CSMD2: variants seen among roughly 807,000 people sequenced by gnomAD.
CSMD2 encodes CUB and Sushi multiple domains 2.
Under a neutral mutation model 398.5 loss-of-function variants are expected in CSMD2, and 130 were observed. The ratio of observed to expected loss-of-function variants is 0.33; its 90% CI spans 0.28 to 0.38. CSMD2 has a LOEUF of 0.38. CSMD2 is among the 10% of genes least tolerant of loss of function. The pLI is 1.00. For missense variants in CSMD2, 3,829 were observed against 4,764.9 expected, an observed-to-expected ratio of 0.80 and a Z score of 5.78; for synonymous variants, 1,828 against 1,908.5, an observed-to-expected ratio of 0.96 and a Z score of 1.10.
At chr1:34,156,394 G>A (rs1395165941) in intron 1 of CSMD2, among the ~76,000 whole-genome samples, 2 of 152,160 alleles carry the variant, frequency 1.3e-5, no homozygotes, top group African/African-American at 4.8e-5. Flanking sequence ...ATCTCAGAAA[G>A]GGCCATCAAT....
Position 33,584,693 on chromosome 1 carries a change from G to GTA in CSMD2, c.7052-865_7052-864dup, listed in dbSNP as rs1407138426. Reference sequence around the variant, plus strand: ...AAAAAATATATCTATATACATATATGTATATATATATATTATGAAATAATA... The same window carrying GTA: ...AAAAAATATATCTATATACATATATGTATATATATATATATTATGAAATAATA... On this transcript the variant is annotated intron_variant, in intron 46 of 70. Coordinates refer to ENST00000373381, the MANE Select transcript of CSMD2 (RefSeq NM_001281956.2). 2.6e-3 allele frequency among the ~76,000 whole-genome samples: 390 copies of GTA among 149,334 alleles called. 2 individuals carry two copies. Among genetic ancestry groups the GTA allele is most frequent in the South Asian group, 5.1e-3 (24 of 4,750 alleles).
At chr1:33,574,010 T>C (rs1659839446) in intron 49 of CSMD2, among the ~76,000 whole-genome samples, 1 of 152,170 alleles carries the variant, frequency 6.6e-6, no homozygotes, top group Admixed American at 6.5e-5. Flanking sequence ...GAACAAAGCT[T>C]TAAACCTCTG....
chr1:33,959,034 C>T (rs925967346), intron 3 of CSMD2, among the ~76,000 whole-genome samples: 2 of 152,136 alleles, frequency 1.3e-5, no homozygotes, highest in African/African-American at 4.8e-5. Flanking sequence ...ACACAGGTGC[C>T]CAGTAAAGGT....
chr1:33,984,598 C>T (rs910417894), intron 3 of CSMD2, among the ~76,000 whole-genome samples: 3 of 152,166 alleles, frequency 2.0e-5, no homozygotes, highest in African/African-American at 4.8e-5. Flanking sequence ...GCCTGGGCAA[C>T]ATAGCGAGAC....
rs187031782 is a variant in CSMD2 at position 33,769,882 on chromosome 1, G to A, written c.1846+2687C>T. Among the ~76,000 whole-genome samples the A allele has an allele frequency of 2.9e-3, 447 of 152,172 alleles. 3 individuals are homozygous for A. The highest frequency in any genetic ancestry group is 9.2e-3 in the African/African-American group (382 of 41,508). On this transcript the variant is annotated intron_variant, in intron 13 of 70. Transcript: ENST00000373381. ...GTGACTAATGTATTGGAAAATTTAG[G>A]GCACTTATGCTGACTTTTGCTAGAG...
Position 33,935,795 on chromosome 1 carries a change from C to T in CSMD2, c.677G>A (p.Ser226Asn). 1 of 1,613,034 alleles carries T rather than the reference C, an allele frequency of 6.2e-7. No individual in the cohort carries two copies. The highest frequency in any genetic ancestry group is 8.5e-7 in the Non-Finnish European group (1 of 1,179,378). ...VLTCHAGSENSATWDFPLPSC... is the reference protein window; with the variant it reads ...VLTCHAGSENNATWDFPLPSC... Reference sequence around the variant, plus strand: ...AGGCAGGGGGAAGTCCCACGTGGCGCTGTTCTCAGAGCCAGCGTGGCAGGT... The same window carrying T: ...AGGCAGGGGGAAGTCCCACGTGGCGTTGTTCTCAGAGCCAGCGTGGCAGGT... Residue 226 changes from serine (S) to asparagine (N), a missense_variant, in exon 4 of 71, where the codon AGC becomes AAC. By Grantham distance (46) the Ser-to-Asn change is conservative. Coordinates refer to ENST00000373381, the MANE Select transcript of CSMD2 (RefSeq NM_001281956.2).
At chr1:34,160,783 A>G (rs138416203) in intron 1 of CSMD2, among the ~76,000 whole-genome samples, 275 of 152,346 alleles carry the variant, frequency 1.8e-3, no homozygotes, top group Middle Eastern at 3.4e-3. Flanking sequence ...CATTGAGTAC[A>G]GTCAGTGCTC....
chr1:34,042,456 A>G (rs1196101765), intron 2 of CSMD2, among the ~76,000 whole-genome samples: 1 of 152,184 alleles, frequency 6.6e-6, no homozygotes, highest in Non-Finnish European at 1.5e-5. Flanking sequence ...TTATTCCTGG[A>G]TAATTCTATA....
At chr1:34,016,069 T>A (rs929695902) in intron 3 of CSMD2, among the ~76,000 whole-genome samples, 1 of 152,034 alleles carries the variant, frequency 6.6e-6, no homozygotes, top group Non-Finnish European at 1.5e-5. Context: ...TTTATGTGCA[T>A]GAATATTTTA....
rs1459141053 is a variant in CSMD2 at position 33,662,600 on chromosome 1, C to CA, written c.4255+289dup. Among the ~76,000 whole-genome samples, 4 of 152,140 alleles carry CA rather than the reference C, an allele frequency of 2.6e-5. No homozygotes were observed. The East Asian group carries it at 7.7e-4, about 29-fold the overall frequency. Reference sequence around the variant, plus strand: ...GTCCGTTGGGTCTGAGCTTGGACATCATCTTTTCTGGAACATCTTCCTTGA... The same window carrying CA: ...GTCCGTTGGGTCTGAGCTTGGACATCAATCTTTTCTGGAACATCTTCCTTGA... On this transcript the variant is annotated intron_variant, in intron 26 of 70. Coordinates refer to ENST00000373381, the MANE Select transcript of CSMD2 (RefSeq NM_001281956.2).
At chr1:33,694,207 T>A (rs1030887313) in intron 24 of CSMD2, among the ~76,000 whole-genome samples, 1 of 152,026 alleles carries the variant, frequency 6.6e-6, no homozygotes, top group African/African-American at 2.4e-5. Context: ...AATAGGCAAA[T>A]CTTGGAGACA....
intron 3 of CSMD2, among the ~76,000 whole-genome samples, chr1:33,955,427 A>C (rs1483560598): frequency 1.3e-5 from 2 of 152,080 alleles, no homozygotes; most frequent in African/African-American, 4.8e-5. Context: ...AAGTTGGCCC[A>C]AAAAATAGAA....
At chr1:34,091,841 G>C (rs1658600739) in intron 1 of CSMD2, among the ~76,000 whole-genome samples, 1 of 152,170 alleles carries the variant, frequency 6.6e-6, no homozygotes, top group South Asian at 2.1e-4. Flanking sequence ...TTGGGAACAA[G>C]ACAGAGGTGC....
At chr1:33,885,096 GGACA>G (rs1463407751) in intron 5 of CSMD2, 1 of 151,690 alleles carries the variant, frequency 6.6e-6, no homozygotes, top group African/African-American at 2.4e-5. Context: ...TATCCTGTTG[GGACA>G]GACAGATGAA....
intron 13 of CSMD2, among the ~76,000 whole-genome samples, chr1:33,762,086 T>C (rs1649886294): frequency 1.3e-5 from 2 of 152,232 alleles, no homozygotes; most frequent in Admixed American, 1.3e-4. Flanking sequence ...AGGTATGTAG[T>C]GCCTTCCCCG....
chr1:34,102,633 CCGGCCA>C (rs1660079633), intron 1 of CSMD2, among the ~76,000 whole-genome samples: 1 of 55,584 alleles, frequency 1.8e-5, no homozygotes, highest in African/African-American at 6.8e-5. Flanking sequence ...TCCCTGTAAT[CCGGCCA>C]TATCCCTGTA....
intron 5 of CSMD2, among the ~76,000 whole-genome samples, chr1:33,914,128 T>G (rs1040719519): frequency 4.6e-5 from 7 of 151,894 alleles, no homozygotes; most frequent in Admixed American, 4.6e-4. Context: ...TAGAACGTGA[T>G]GGAAAGGAAT....
At chr1:33,778,689 G>A (rs1356042565) in intron 12 of CSMD2, among the ~76,000 whole-genome samples, 2 of 152,128 alleles carry the variant, frequency 1.3e-5, no homozygotes, top group African/African-American at 2.4e-5. Flanking sequence ...CCTGCCCCAC[G>A]GCCCCTGCCC....
At chr1:33,583,452 C>T (rs1476052938) in intron 47 of CSMD2, among the ~76,000 whole-genome samples, 190 bp downstream of exon 47, 1 of 152,166 alleles carries the variant, frequency 6.6e-6, no homozygotes, top group Non-Finnish European at 1.5e-5. Flanking sequence ...AGTTGCAGTA[C>T]AAGCAGCTCT....
Sources: allele counts gnomAD v4.1 joint callset (sites outside exome capture counted in the v4.1 genomes callset), GRCh38; gene constraint gnomAD v4.1.1; transcripts MANE v1.5; gene names NCBI Gene and HGNC (gene_info 2026-07-23, HGNC 2026-07-21).